Variants in TRHDE observed in about 807,000 individuals in gnomAD.
The protein encoded by TRHDE is thyrotropin releasing hormone degrading enzyme, also known as thyrotropin-releasing hormone-degrading ectoenzyme.
Under a neutral mutation model 125.7 loss-of-function variants are expected in TRHDE, and 72 were observed. The ratio of observed to expected loss-of-function variants is 0.57; its 90% CI spans 0.47 to 0.70. TRHDE has a LOEUF of 0.70. Ranked by LOEUF, TRHDE falls within the 30% of genes least tolerant of loss-of-function variation. The pLI is 0.00. For synonymous variants in TRHDE, 509 were observed against 509.1 expected (o/e 1.00, Z 0.00); for missense variants, 1,110 against 1,327.1 (o/e 0.84, Z 2.54).
intron 4 of TRHDE, among the ~76,000 whole-genome samples, chr12:72,472,113 T>C (rs1876675643): frequency 6.6e-6 from 1 of 152,222 alleles, no homozygotes; most frequent in African/African-American, 2.4e-5. Flanking sequence ...AAGCAGTTCC[T>C]CCCTCATTCC....
intron 2 of TRHDE, among the ~76,000 whole-genome samples, chr12:72,192,732 C>T (rs919117786): frequency 5.3e-5 from 8 of 152,134 alleles, no homozygotes; most frequent in African/African-American, 1.7e-4. Context: ...CACAGAGTTG[C>T]TGTTACGTTA....
At chr12:72,308,524 A>T (rs982866058) in intron 2 of TRHDE, among the ~76,000 whole-genome samples, 2 of 152,182 alleles carry the variant, frequency 1.3e-5, no homozygotes, top group African/African-American at 2.4e-5. Flanking sequence ...GATTACACGT[A>T]AAAAGTACCT....
intron 2 of TRHDE, among the ~76,000 whole-genome samples, chr12:72,298,334 G>A (rs1420061908): frequency 6.6e-6 from 1 of 152,126 alleles, no homozygotes; most frequent in African/African-American, 2.4e-5. Context: ...TATTCTTCCT[G>A]GTAGAATTTT....
chr12:72,228,128 G>T (rs530267798), intron 2 of TRHDE, among the ~76,000 whole-genome samples: 3 of 152,184 alleles, frequency 2.0e-5, no homozygotes, highest in South Asian at 4.1e-4. Context: ...GCCCCAAGTT[G>T]GGACTCTGTG....
At chr12:72,099,528 A>T (rs1205183505) in intron 1 of TRHDE, among the ~76,000 whole-genome samples, 2 of 152,156 alleles carry the variant, frequency 1.3e-5, no homozygotes, top group Non-Finnish European at 2.9e-5. Flanking sequence ...ATAACCTGTC[A>T]GTTGATTTCA....
intron 2 of TRHDE, among the ~76,000 whole-genome samples, chr12:72,304,171 A>G (rs1420310232): frequency 2.0e-5 from 3 of 152,158 alleles, no homozygotes; most frequent in Non-Finnish European, 4.4e-5. Context: ...GTAATCTATT[A>G]GTTACAGGTT....
chr12:72,178,051 G>A (rs1391251162), intron 2 of TRHDE, among the ~76,000 whole-genome samples: 1 of 152,090 alleles, frequency 6.6e-6, no homozygotes, highest in East Asian at 1.9e-4. Context: ...CAGAAAATGA[G>A]CAGTTTCTAT....
chr12:72,137,012 A>G (rs1876001250), intron 2 of TRHDE, among the ~76,000 whole-genome samples: 1 of 152,198 alleles, frequency 6.6e-6, no homozygotes, highest in Non-Finnish European at 1.5e-5. Context: ...ATAGGGCAAC[A>G]TCCCGGCAAT....
intron 7 of TRHDE, among the ~76,000 whole-genome samples, chr12:72,554,933 T>G (rs1249000624): frequency 6.6e-6 from 1 of 152,118 alleles, no homozygotes; most frequent in Non-Finnish European, 1.5e-5. Context: ...GTTGAGGAAT[T>G]GGTGGTATGA....
At chr12:72,319,565 A>G (rs1287746592) in intron 2 of TRHDE, among the ~76,000 whole-genome samples, 2 of 152,040 alleles carry the variant, frequency 1.3e-5, no homozygotes, top group African/African-American at 2.4e-5. Flanking sequence ...TGGTAACTTT[A>G]TCTTTCTCTA....
At chr12:72,205,550 C>T (rs1022547557) in intron 2 of TRHDE, among the ~76,000 whole-genome samples, 10 of 152,104 alleles carry the variant, frequency 6.6e-5, no homozygotes, top group African/African-American at 2.4e-4. Context: ...CATTATTCTA[C>T]CTTATTTTTC....
chr12:72,544,336 C>T (rs1275329139), intron 7 of TRHDE, among the ~76,000 whole-genome samples: 2 of 151,418 alleles, frequency 1.3e-5, no homozygotes, highest in Admixed American at 6.6e-5. Context: ...ATGTGCTTCC[C>T]ATCCAGAAGG....
chr12:72,405,690 C>A (rs1391946592), intron 3 of TRHDE, among the ~76,000 whole-genome samples: 1 of 152,152 alleles, frequency 6.6e-6, no homozygotes, highest in East Asian at 1.9e-4. Context: ...TGATTTAAAG[C>A]CTCACTAAAG....
chr12:72,549,836 A>T (rs1869591746), intron 7 of TRHDE, among the ~76,000 whole-genome samples: 1 of 151,854 alleles, frequency 6.6e-6, no homozygotes, highest in African/African-American at 2.4e-5. Context: ...GAGAGAAATA[A>T]CTTTTATTCA....
chr12:72,365,190 T>C (rs1162703564), intron 2 of TRHDE, among the ~76,000 whole-genome samples: 4 of 152,122 alleles, frequency 2.6e-5, no homozygotes, highest in African/African-American at 9.7e-5. Context: ...TTGAAATAGA[T>C]TTAAGGAAAC....
intron 2 of TRHDE, among the ~76,000 whole-genome samples, chr12:72,344,467 A>T (rs1177443092): frequency 6.6e-6 from 1 of 152,146 alleles, no homozygotes. Context: ...CTAATGCCAC[A>T]TAGCTAATAG....
intron 3 of TRHDE, among the ~76,000 whole-genome samples, chr12:72,453,433 A>G (rs1219266222): frequency 6.6e-6 from 1 of 152,224 alleles, no homozygotes; most frequent in African/African-American, 2.4e-5. Context: ...AGATGTGGGA[A>G]CAAAGAAATA....
chr12:72,187,224 C>T (rs1447251093), intron 2 of TRHDE, among the ~76,000 whole-genome samples: 1 of 151,148 alleles, frequency 6.6e-6, no homozygotes, highest in Non-Finnish European at 1.5e-5. Context: ...GATATTGTTA[C>T]CTTATTTTAC....
chr12:72,442,370 C>T (rs1426847185), intron 3 of TRHDE, among the ~76,000 whole-genome samples: 1 of 151,852 alleles, frequency 6.6e-6, no homozygotes, highest in Non-Finnish European at 1.5e-5. Context: ...GGAAGATTTA[C>T]TCTGTCACTT....
Sources: gnomAD v4.1 joint callset for allele counts (sites outside exome capture counted in the v4.1 genomes callset) on GRCh38, gnomAD v4.1.1 for gene constraint, MANE v1.5 for transcripts, NCBI Gene and HGNC (gene_info 2026-07-23, HGNC 2026-07-21) for gene names.